Variants in PUDP observed in about 807,000 individuals in gnomAD.
The protein encoded by PUDP is pseudouridine-5'-phosphatase.
PUDP carries 8 observed loss-of-function variants against 9.4 expected under a neutral mutation model. That is an observed-to-expected ratio of 0.85 (90% CI 0.50 to 1.53). The LOEUF (loss-of-function observed/expected upper bound fraction) is 1.53. Ranked by LOEUF, PUDP falls within the 40% of genes most tolerant of loss-of-function variation. PUDP has a pLI of 0.00. For missense variants in PUDP, 188 were observed against 189.7 expected, an observed-to-expected ratio of 0.99 and a Z score of 0.05; for synonymous variants, 99 against 80.7, an observed-to-expected ratio of 1.23 and a Z score of -1.22.
chrX:7,093,723 G>A (rs1382202920), intron 2 of PUDP, among the ~76,000 whole-genome samples: 2 of 111,703 alleles, frequency 1.8e-5, no homozygotes, highest in East Asian at 2.8e-4. Context: ...CCTTTGAATC[G>A]AGAGGTCCTT....
At chrX:7,018,310 G>A (rs1277548654) in intron 1 of PUDP, among the ~76,000 whole-genome samples, 23 of 111,562 alleles carry the variant, frequency 2.1e-4, no homozygotes, top group African/African-American at 7.2e-4. Flanking sequence ...TCCAGTAAAA[G>A]AACTATTCAT....
chrX:6,946,970 TG>T (rs1422853911), intron 3 of PUDP, among the ~76,000 whole-genome samples: 1 of 88,742 alleles, frequency 1.1e-5, no homozygotes, highest in Non-Finnish European at 2.2e-5. Flanking sequence ...CTATATTGTC[TG>T]TTTTTTTTTG....
intron 3 of PUDP, among the ~76,000 whole-genome samples, chrX:6,812,612 C>T (rs1926162276): frequency 8.9e-6 from 1 of 111,815 alleles, no homozygotes; most frequent in South Asian, 3.8e-4. Context: ...CTAAGCTTTT[C>T]CTTACATGTG....
intron 3 of PUDP, among the ~76,000 whole-genome samples, chrX:6,900,156 G>C (rs1030444502): frequency 7.2e-5 from 8 of 111,303 alleles, no homozygotes; most frequent in Admixed American, 5.7e-4. Context: ...TGAGGCTGTA[G>C]TGAGCTATGA....
At chrX:7,002,572 G>T (rs988563585) in intron 1 of PUDP, among the ~76,000 whole-genome samples, 6 of 111,411 alleles carry the variant, frequency 5.4e-5, no homozygotes, top group Non-Finnish European at 9.4e-5. Context: ...GCTTCAAGGA[G>T]ATCCTCACAA....
intron 1 of PUDP, among the ~76,000 whole-genome samples, chrX:7,029,711 C>T (rs1272544484): frequency 1.8e-5 from 2 of 111,844 alleles, no homozygotes; most frequent in Non-Finnish European, 1.9e-5. Context: ...CTGGGGATAA[C>T]CTGTTCATTG....
chrX:6,945,115 TGCTTGATTCTC>T (rs1266933693), intron 3 of PUDP, among the ~76,000 whole-genome samples: 1 of 111,912 alleles, frequency 8.9e-6, no homozygotes, highest in African/African-American at 3.2e-5. Context: ...AAGCCTGAGC[TGCTTGATTCTC>T]CTTGCTTGCT....
chrX:6,716,197 T>C (rs1924597986), intron 1 of PUDP, among the ~76,000 whole-genome samples: 2 of 111,100 alleles, frequency 1.8e-5, no homozygotes, highest in African/African-American at 6.5e-5. Context: ...ATTATTTCAG[T>C]GGGAAGCATT....
rs757626325 is a variant in PUDP, at chrX:7,002,719, G to A, written c.205-24376C>T. 1.6e-4 allele frequency among the ~76,000 whole-genome samples: 18 copies of A among 111,459 alleles called. No homozygotes were observed. In the East Asian group the frequency reaches 5.1e-3, roughly 32 times the overall value. Reference sequence around the variant, plus strand: ...GTGTGCAGAAGAGAGGCAGCGCCAGGAGGGGCTGCATAATGGGATCAATCC... The same window carrying A: ...GTGTGCAGAAGAGAGGCAGCGCCAGAAGGGGCTGCATAATGGGATCAATCC... On this transcript the variant is annotated intron_variant and NMD_transcript_variant, in intron 1 of 3. Transcript: ENST00000655425.
intron 3 of PUDP, among the ~76,000 whole-genome samples, chrX:6,758,523 C>T (rs186968694): frequency 2.7e-5 from 3 of 111,568 alleles, no homozygotes; most frequent in East Asian, 5.7e-4. Context: ...CTCAGTTAGC[C>T]GCCAGAACAG....
At chrX:6,815,876 G>A (rs1328426062) in intron 3 of PUDP, among the ~76,000 whole-genome samples, 1 of 108,718 alleles carries the variant, frequency 9.2e-6, no homozygotes. Flanking sequence ...ATTTGCTCTT[G>A]GAGAATCAAC....
At chrX:6,993,288 C>G (rs1161202806) in intron 1 of PUDP, among the ~76,000 whole-genome samples, 3 of 111,939 alleles carry the variant, frequency 2.7e-5, no homozygotes. Context: ...ATCCTTAGGT[C>G]TGTGAAATAA....
chrX:7,051,395 G>A (rs1157710483), intron 3 of PUDP, among the ~76,000 whole-genome samples: 2 of 111,228 alleles, frequency 1.8e-5, no homozygotes, highest in Non-Finnish European at 3.8e-5. Context: ...GACTAGCGGG[G>A]TGAGGAAGAA....
chrX:7,109,819 G>T (rs185519913), intron 1 of PUDP, among the ~76,000 whole-genome samples: 43 of 112,895 alleles, frequency 3.8e-4, no homozygotes, highest in African/African-American at 1.4e-3. Context: ...CCATCAGATG[G>T]ATATTCTTCC....
intron 1 of PUDP, chrX:7,112,945 G>C (rs142232996): frequency 0.02 from 2,255 of 112,643 alleles, 24 homozygotes; most frequent in Non-Finnish European, 0.032. Flanking sequence ...TTACAGGTGT[G>C]AGCCACGGTG....
chrX:6,887,274 A>G (rs1020694853), intron 3 of PUDP, among the ~76,000 whole-genome samples: 2 of 108,025 alleles, frequency 1.9e-5, no homozygotes, highest in Non-Finnish European at 3.8e-5. Context: ...ATTTATATGT[A>G]CATTTCCAAA....
intron 1 of PUDP, among the ~76,000 whole-genome samples, chrX:6,710,240 T>A (rs1265418469): frequency 4.5e-5 from 5 of 112,356 alleles, no homozygotes; most frequent in African/African-American, 1.3e-4. Context: ...TCCACACTAA[T>A]GATATAATCG....
At chrX:7,120,380 G>A (rs73627531) in intron 1 of PUDP, among the ~76,000 whole-genome samples, 295 of 110,845 alleles carry the variant, frequency 2.7e-3, no homozygotes, top group African/African-American at 9.1e-3. Context: ...CAGGAATGGC[G>A]GCCACTCTAG....
chrX:6,951,245 A>ATATC (rs58068829), intron 3 of PUDP, among the ~76,000 whole-genome samples: 5,941 of 105,480 alleles, frequency 0.056, 158 homozygotes, highest in African/African-American at 0.079. Context: ...TCCATCCATC[A>ATATC]TATCTATCTA....
Sources: gnomAD v4.1 joint callset for allele counts (sites outside exome capture counted in the v4.1 genomes callset) on GRCh38, gnomAD v4.1.1 for gene constraint, MANE v1.5 for transcripts, NCBI Gene and HGNC (gene_info 2026-07-23, HGNC 2026-07-21) for gene names.